The following PLD5 variants were observed in gnomAD, a reference collection of about 807,000 sequenced individuals.
The protein encoded by PLD5 is phospholipase D family member 5.
In PLD5, 36 loss-of-function variants were observed where a neutral mutation model predicts 61.1. That is an observed-to-expected ratio of 0.59 (90% CI 0.45 to 0.78). PLD5 has a LOEUF of 0.78. Among genes scored for constraint, PLD5 ranks in the 30% least tolerant of loss-of-function variants. The probability of loss-of-function intolerance (pLI) is 0.00; values close to 1 mark genes in which losing one functional copy is unlikely to be tolerated. For synonymous variants in PLD5, 243 were observed against 242.8 expected, an observed-to-expected ratio of 1.00 and a Z score of -0.01; for missense variants, 515 against 644.4, an observed-to-expected ratio of 0.80 and a Z score of 2.17.
At chr1:242,418,867 A>T (rs1664971396) in intron 1 of PLD5, among the ~76,000 whole-genome samples, 1 of 152,224 alleles carries the variant, frequency 6.6e-6, no homozygotes, top group African/African-American at 2.4e-5. Context: ...CCTTCATCCT[A>T]GAGTCATGTG....
Position 242,280,441 on chromosome 1 carries a change from C to A in PLD5, c.495+7921G>T, listed in dbSNP as rs560317865. Among the ~76,000 whole-genome samples, 3 of 151,136 alleles carry A rather than the reference C, an allele frequency of 2.0e-5. No individual in the cohort carries two copies. The East Asian group carries it at 5.8e-4, about 29-fold the overall frequency. ...CTAATTATGCTTTCATTAATTTATA[C>A]GTGTTTTATTTTTCCCTATGTCCTC... On this transcript the variant is annotated intron_variant, in intron 3 of 9. Coordinates refer to ENST00000536534, the MANE Select transcript of PLD5 (RefSeq NM_001372062.1).
In PLD5 at chr1:242,256,712, C is replaced by G. The variant is rs11802387; in HGVS notation, c.607+8625G>C. Among the ~76,000 whole-genome samples, 11,344 of 152,126 alleles carry G rather than the reference C, an allele frequency of 0.075. 427 individuals carry two copies. Among genetic ancestry groups the G allele is most frequent in the East Asian group, 0.082 (422 of 5,174 alleles). On this transcript the variant is annotated intron_variant, in intron 4 of 9. Transcript: ENST00000536534. The surrounding 1 kb of genome is among the most constrained non-coding windows in gnomAD (Gnocchi z 5.7). ...CTGTTCTTTATAAATTGCCCAGTCT[C>G]AGTTATTACAGCAGCACAAATGAAC...
intron 3 of PLD5, among the ~76,000 whole-genome samples, chr1:242,276,327 A>G (rs1169347563): frequency 6.7e-6 from 1 of 148,158 alleles, no homozygotes; most frequent in Non-Finnish European, 1.5e-5. Context: ...ACAAAGCAAG[A>G]CCTTTTTCAT....
intron 1 of PLD5, among the ~76,000 whole-genome samples, chr1:242,367,203 T>C (rs1039064233): frequency 6.6e-6 from 1 of 152,004 alleles, no homozygotes; most frequent in Non-Finnish European, 1.5e-5. Flanking sequence ...CTAAAAGGAG[T>C]ACCACCTATG....
chr1:242,439,725 A>T (rs1295249500), intron 1 of PLD5, among the ~76,000 whole-genome samples: 1 of 152,216 alleles, frequency 6.6e-6, no homozygotes, highest in Non-Finnish European at 1.5e-5. Context: ...CATTTGTCTC[A>T]TCTTCCTCTG....
chr1:242,461,527 A>G (rs1288084238), intron 1 of PLD5, among the ~76,000 whole-genome samples: 2 of 152,350 alleles, frequency 1.3e-5, no homozygotes, highest in African/African-American at 4.8e-5. Flanking sequence ...CCATTAATAT[A>G]TATTTCTCAA....
upstream of PLD5, among the ~76,000 whole-genome samples, chr1:242,529,009 C>T (rs888287540): frequency 1.3e-5 from 2 of 152,178 alleles, no homozygotes; most frequent in Non-Finnish European, 2.9e-5. Flanking sequence ...TACAAGACCA[C>T]ATAAAATCAT....
intron 1 of PLD5, among the ~76,000 whole-genome samples, chr1:242,449,812 A>G (rs944026042): frequency 5.9e-5 from 9 of 152,190 alleles, no homozygotes; most frequent in African/African-American, 2.2e-4. Flanking sequence ...TGCAATTCCA[A>G]TCAGAGTAAA....
At chr1:242,512,864 TTTTTA>T (rs144929534) in intron 1 of PLD5, among the ~76,000 whole-genome samples, 52,339 of 151,422 alleles carry the variant, frequency 0.35, 9,229 homozygotes, top group Admixed American at 0.4. Context: ...ACTGAATTCT[TTTTTA>T]TTTTTTCTTT....
chr1:242,220,666 G>C (rs947923854), intron 4 of PLD5, among the ~76,000 whole-genome samples: 4 of 148,538 alleles, frequency 2.7e-5, no homozygotes, highest in African/African-American at 9.9e-5. Context: ...TCTGGGTTTG[G>C]TCTCTTCTTC....
At chr1:242,438,188 T>C (rs994712354) in intron 1 of PLD5, among the ~76,000 whole-genome samples, 8 of 152,098 alleles carry the variant, frequency 5.3e-5, no homozygotes, top group African/African-American at 1.9e-4. Flanking sequence ...ACAAGGTATA[T>C]GAGGTCCACT....
chr1:242,266,386 A>G lies in PLD5; in HGVS notation c.496-938T>C, dbSNP rs116819091. Among the ~76,000 whole-genome samples the G allele has an allele frequency of 3.1e-3, 477 of 152,294 alleles. 1 individual carries two copies. Among genetic ancestry groups the G allele is most frequent in the African/African-American group, 0.01 (421 of 41,570 alleles). On this transcript the variant is annotated intron_variant, in intron 3 of 9. Coordinates refer to ENST00000536534, the MANE Select transcript of PLD5 (RefSeq NM_001372062.1). ...ACAGAACAAGAATCCATCTCAACAAACAAATAAATAAAAGTTTTATCTATG... is the reference window on the plus strand; with the variant it reads ...ACAGAACAAGAATCCATCTCAACAAGCAAATAAATAAAAGTTTTATCTATG...
chr1:242,104,252 T>A (rs1660883706), intron 8 of PLD5, among the ~76,000 whole-genome samples: 1 of 150,886 alleles, frequency 6.6e-6, no homozygotes. Context: ...GAGTCCTGAG[T>A]CCCTAGGACT....
At chr1:242,529,778 T>TCTTCCTTC in the PLD5 span, among the ~76,000 whole-genome samples, 4,352 of 129,818 alleles carry the variant, frequency 0.034, 150 homozygotes, top group African/African-American at 0.063. Flanking sequence ...GGCACTGGGA[T>TCTTCCTTC]CTTCCTTCCT....
At chr1:242,353,516 G>T (rs908768128) in intron 1 of PLD5, among the ~76,000 whole-genome samples, 2 of 151,994 alleles carry the variant, frequency 1.3e-5, no homozygotes, top group African/African-American at 4.8e-5. Flanking sequence ...AGTTTTTTAT[G>T]GTTCCATATG....
intron 5 of PLD5, among the ~76,000 whole-genome samples, chr1:242,149,261 G>C (rs1293461912): frequency 1.3e-5 from 2 of 151,836 alleles, no homozygotes; most frequent in East Asian, 3.9e-4. Flanking sequence ...TAATTTTACG[G>C]GTTTGCTTCT....
At chr1:242,240,128 G>T (rs1307954581) in intron 4 of PLD5, among the ~76,000 whole-genome samples, 1 of 152,158 alleles carries the variant, frequency 6.6e-6, no homozygotes, top group African/African-American at 2.4e-5. Flanking sequence ...ACTGCACATG[G>T]CAAGTGGCCA....
intron 1 of PLD5, among the ~76,000 whole-genome samples, chr1:242,468,035 T>C (rs182076993): frequency 4.7e-4 from 72 of 152,338 alleles, no homozygotes; most frequent in African/African-American, 1.6e-3. Flanking sequence ...TTCTCAAACA[T>C]TTCACAGCAA....
chr1:242,374,701 A>G (rs1321336005), intron 1 of PLD5, among the ~76,000 whole-genome samples: 1 of 152,214 alleles, frequency 6.6e-6, no homozygotes, highest in African/African-American at 2.4e-5. Context: ...AGAGAGGCCA[A>G]GAAGAATCTA....
Sources: gnomAD v4.1 joint callset for allele counts (sites outside exome capture counted in the v4.1 genomes callset) on GRCh38, gnomAD v4.1.1 for gene constraint, Gnocchi (gnomAD v3.1) non-coding constraint, MANE v1.5 for transcripts, NCBI Gene and HGNC (gene_info 2026-07-23, HGNC 2026-07-21) for gene names.